The following PCDH15 variants were observed in gnomAD, a reference collection of about 807,000 sequenced individuals.
The protein encoded by PCDH15 is protocadherin related 15.
Under a neutral mutation model 178.5 loss-of-function variants are expected in PCDH15, and 129 were observed. The observed-to-expected ratio is 0.72, with a 90% CI of 0.63 to 0.84. PCDH15 has a LOEUF of 0.84. PCDH15 is among the 40% of genes least tolerant of loss of function. PCDH15 has a pLI of 0.00. For missense variants in PCDH15, 2,230 were observed against 2,099.9 expected, an observed-to-expected ratio of 1.06 and a Z score of -1.21; for synonymous variants, 800 against 732.0, an observed-to-expected ratio of 1.09 and a Z score of -1.50.
chr10:55,434,112 T>C (rs1838968554), intron 2 of PCDH15, among the ~76,000 whole-genome samples: 1 of 131,976 alleles, frequency 7.6e-6, no homozygotes, highest in Non-Finnish European at 1.6e-5. Context: ...ATGGTGTCTC[T>C]CTCTGTCGCC....
At chr10:55,106,972 A>G (rs1837364297) in intron 2 of PCDH15, among the ~76,000 whole-genome samples, 1 of 152,228 alleles carries the variant, frequency 6.6e-6, no homozygotes, top group African/African-American at 2.4e-5. Flanking sequence ...AAGCAAATGG[A>G]GTAATCTTTA....
At chr10:54,990,631 C>T (rs1185431404) in intron 2 of PCDH15, among the ~76,000 whole-genome samples, 14 of 152,146 alleles carry the variant, frequency 9.2e-5, no homozygotes, top group Admixed American at 7.9e-4. Flanking sequence ...ACATACAGTA[C>T]ATGTTTATAT....
At chr10:54,191,749 T>C (rs79121787) in intron 11 of PCDH15, among the ~76,000 whole-genome samples, 33,402 of 88,624 alleles carry the variant, frequency 0.38, 5,613 homozygotes, top group African/African-American at 0.59. Flanking sequence ...CTACAAAAAA[T>C]GCAAAAAAAA....
chr10:54,742,388 ACGTG>A (rs1944925455), intron 1 of PCDH15, among the ~76,000 whole-genome samples: 1 of 152,098 alleles, frequency 6.6e-6, no homozygotes, highest in African/African-American at 2.4e-5. Context: ...CAGTTAACAT[ACGTG>A]CCAGCCTAGT....
intron 2 of PCDH15, among the ~76,000 whole-genome samples, chr10:55,326,087 T>C (rs757552098): frequency 2.6e-5 from 4 of 152,022 alleles, no homozygotes; most frequent in Non-Finnish European, 5.9e-5. Flanking sequence ...CATCAAAAAA[T>C]AACAGATGCT....
chr10:54,301,796 G>A (rs2060164755), intron 8 of PCDH15, among the ~76,000 whole-genome samples: 1 of 152,168 alleles, frequency 6.6e-6, no homozygotes, highest in East Asian at 1.9e-4. Flanking sequence ...TAATTGAGAG[G>A]GGAGAATTCA....
intron 9 of PCDH15, among the ~76,000 whole-genome samples, chr10:54,235,904 T>A (rs2054583526): frequency 6.6e-6 from 1 of 152,228 alleles, no homozygotes. Flanking sequence ...GATATTTGTG[T>A]CTTTATAAAG....
chr10:54,717,930 C>A (rs1435522082), intron 1 of PCDH15, among the ~76,000 whole-genome samples: 2 of 145,490 alleles, frequency 1.4e-5, no homozygotes, highest in Non-Finnish European at 3.0e-5. Flanking sequence ...ACTATGCAGC[C>A]ATAAAAAATG....
intron 2 of PCDH15, among the ~76,000 whole-genome samples, chr10:54,569,440 G>A (rs1565622367): frequency 6.6e-6 from 1 of 152,130 alleles, no homozygotes; most frequent in Non-Finnish European, 1.5e-5. Context: ...TTAGATGTTT[G>A]TAAAATAAGT....
chr10:53,837,736 TATC>T lies in PCDH15; in HGVS notation c.3983+2581_3983+2583del, dbSNP rs578113622. Among the ~76,000 whole-genome samples the T allele has an allele frequency of 6.6e-3, 999 of 151,294 alleles. 9 individuals are homozygous for T. The highest frequency in any genetic ancestry group is 0.011 in the Non-Finnish European group (770 of 67,892). On this transcript the variant is annotated intron_variant, in intron 29 of 37. Coordinates refer to ENST00000644397, the MANE Select transcript of PCDH15 (RefSeq NM_001384140.1). ...GATACCAATACTTGGGCACTGGCAT[TATC>T]AGCCTTGGAAAACACACACACACAC...
intron 18 of PCDH15, among the ~76,000 whole-genome samples, chr10:54,040,856 T>A (rs189035402): frequency 1.3e-5 from 2 of 152,204 alleles, no homozygotes; most frequent in South Asian, 4.1e-4. Flanking sequence ...GCAAGCTTCA[T>A]AAATGATGAG....
intron 2 of PCDH15, among the ~76,000 whole-genome samples, chr10:55,523,165 A>C (rs993233544): frequency 2.0e-5 from 3 of 149,696 alleles, no homozygotes; most frequent in Non-Finnish European, 3.0e-5. Context: ...ATTCCTCCTA[A>C]GATTTGGAAA....
At chr10:55,187,825 G>A (rs1425653817) in intron 1 of PCDH15, among the ~76,000 whole-genome samples, 4 of 151,878 alleles carry the variant, frequency 2.6e-5, no homozygotes, top group Non-Finnish European at 5.9e-5. Flanking sequence ...CTTCAGAGGA[G>A]AAAAAAATAT....
At chr10:53,877,349 G>A (rs940120436) in intron 26 of PCDH15, among the ~76,000 whole-genome samples, 2 of 152,036 alleles carry the variant, frequency 1.3e-5, no homozygotes, top group African/African-American at 4.8e-5. Flanking sequence ...ATATAGACAA[G>A]TTAACAAAAG....
chr10:55,485,191 A>G (rs1445678452), intron 2 of PCDH15, among the ~76,000 whole-genome samples: 1 of 151,740 alleles, frequency 6.6e-6, no homozygotes, highest in African/African-American at 2.4e-5. Context: ...ATAGCAAAAA[A>G]ATCCTAATAA....
chr10:54,549,350 T>C (rs1327263768), intron 2 of PCDH15, among the ~76,000 whole-genome samples: 2 of 151,970 alleles, frequency 1.3e-5, no homozygotes, highest in Admixed American at 6.6e-5. Context: ...ATTTCAAAAA[T>C]GTTGAAAATT....
At chr10:54,436,580 A>G (rs2075435454) in intron 3 of PCDH15, among the ~76,000 whole-genome samples, 1 of 152,192 alleles carries the variant, frequency 6.6e-6, no homozygotes, top group South Asian at 2.1e-4. Context: ...AGGATTCATT[A>G]AATTTTCAAG....
chr10:55,565,278 C>A (rs567586213), intron 2 of PCDH15, among the ~76,000 whole-genome samples: 3 of 151,720 alleles, frequency 2.0e-5, no homozygotes, highest in African/African-American at 7.2e-5. Flanking sequence ...AACAGGGGAA[C>A]TGTACAAGTA....
chr10:55,497,582 CA>C (rs1325699361), intron 2 of PCDH15, among the ~76,000 whole-genome samples: 3 of 151,682 alleles, frequency 2.0e-5, no homozygotes, highest in African/African-American at 4.8e-5. Context: ...CTTGGGAAAA[CA>C]TTTTTATATT....
Sources: gnomAD v4.1 joint callset for allele counts (sites outside exome capture counted in the v4.1 genomes callset) on GRCh38, gnomAD v4.1.1 for gene constraint, MANE v1.5 for transcripts, NCBI Gene and HGNC (gene_info 2026-07-23, HGNC 2026-07-21) for gene names.